Variants in CHRM2 observed in about 807,000 individuals in gnomAD.
CHRM2 encodes the protein cholinergic receptor muscarinic 2, also known as muscarinic acetylcholine receptor M2.
A neutral mutation model predicts 25.0 loss-of-function variants in CHRM2; 8 were observed. The observed-to-expected ratio is 0.32, with a 90% CI of 0.19 to 0.58. The LOEUF (loss-of-function observed/expected upper bound fraction) is 0.58. CHRM2 is among the 20% of genes least tolerant of loss of function. The pLI is 0.88. For missense variants in CHRM2, 440 were observed against 567.1 expected, an observed-to-expected ratio of 0.78 and a Z score of 2.28; for synonymous variants, 202 against 205.7, an observed-to-expected ratio of 0.98 and a Z score of 0.15.
At chr7:136,988,221 G>A (rs1802985651) in intron 2 of CHRM2, among the ~76,000 whole-genome samples, 1 of 151,724 alleles carries the variant, frequency 6.6e-6, no homozygotes, top group South Asian at 2.1e-4. Context: ...CATTAAAAAG[G>A]AAAAGAAAAG....
At chr7:136,904,055 TA>T (rs1797389905) in intron 2 of CHRM2, among the ~76,000 whole-genome samples, 1 of 151,966 alleles carries the variant, frequency 6.6e-6, no homozygotes, top group Non-Finnish European at 1.5e-5. Context: ...GCTACCATTT[TA>T]CTAAAGCATT....
chr7:136,993,776 T>C (rs571347648), intron 3 of CHRM2, among the ~76,000 whole-genome samples: 22 of 151,942 alleles, frequency 1.4e-4, no homozygotes, highest in African/African-American at 5.1e-4. Flanking sequence ...AACCCCAAAG[T>C]GAAAAAGTAA....
At chr7:136,963,355 A>T (rs2130902192) in intron 2 of CHRM2, among the ~76,000 whole-genome samples, 1 of 152,346 alleles carries the variant, frequency 6.6e-6, no homozygotes, top group East Asian at 1.9e-4. Context: ...AAACAGAGTT[A>T]AAGAAGACAT....
intron 2 of CHRM2, among the ~76,000 whole-genome samples, chr7:136,937,361 G>T (rs1261311065): frequency 6.6e-6 from 1 of 152,034 alleles, no homozygotes; most frequent in African/African-American, 2.4e-5. Context: ...ATTAATTTCA[G>T]AATTTAATGA....
At chr7:136,969,565 G>A (rs150723022) in intron 2 of CHRM2, among the ~76,000 whole-genome samples, 160 of 152,032 alleles carry the variant, frequency 1.1e-3, no homozygotes, top group Middle Eastern at 3.4e-3. Flanking sequence ...TGTTGTTTTG[G>A]CTGGGCCTTG....
At chr7:136,918,783 G>C (rs1171108886) in intron 2 of CHRM2, among the ~76,000 whole-genome samples, 1 of 151,974 alleles carries the variant, frequency 6.6e-6, no homozygotes, top group African/African-American at 2.4e-5. Context: ...TGGTGTTATA[G>C]AGAAACTTCC....
At chr7:136,968,586 T>C (rs1801560933) in intron 2 of CHRM2, among the ~76,000 whole-genome samples, 1 of 151,718 alleles carries the variant, frequency 6.6e-6, no homozygotes, top group Non-Finnish European at 1.5e-5. Flanking sequence ...CCAATGTTCA[T>C]TTTAGTATTA....
chr7:136,921,790 C>CTTTTTTTTTTTTTTTTTTTTTTTTTTT (rs201063228), intron 2 of CHRM2, among the ~76,000 whole-genome samples: 16 of 114,040 alleles, frequency 1.4e-4, no homozygotes, highest in Non-Finnish European at 2.4e-4. Context: ...TTCTTTCTTT[C>CTTTTTTTTTTTTTTTTTTTTTTTTTTT]TTTCTTTTTT....
intron 2 of CHRM2, among the ~76,000 whole-genome samples, chr7:136,924,559 G>A (rs998901823): frequency 6.6e-5 from 10 of 151,946 alleles, no homozygotes; most frequent in African/African-American, 1.2e-4. Context: ...ATACCACCCC[G>A]CTGATACTTT....
At chr7:136,891,929 T>A (rs1397069010) in intron 2 of CHRM2, among the ~76,000 whole-genome samples, 6 of 152,214 alleles carry the variant, frequency 3.9e-5, no homozygotes, top group Non-Finnish European at 8.8e-5. Context: ...TCTGTTTCCC[T>A]CCTAGAATTT....
intron 2 of CHRM2, among the ~76,000 whole-genome samples, chr7:136,962,430 C>T (rs750155513): frequency 7.9e-5 from 12 of 152,066 alleles, no homozygotes; most frequent in Non-Finnish European, 1.3e-4. Flanking sequence ...CCACTGCGCC[C>T]GGCCACAACT....
chr7:136,926,638 A>T (rs1475004636), intron 2 of CHRM2, among the ~76,000 whole-genome samples: 2 of 152,210 alleles, frequency 1.3e-5, no homozygotes, highest in Non-Finnish European at 2.9e-5. Flanking sequence ...GTAGCATGAA[A>T]CATTGCAAAG....
chr7:136,942,134 A>G (rs1367867414), intron 2 of CHRM2, among the ~76,000 whole-genome samples: 2 of 152,204 alleles, frequency 1.3e-5, no homozygotes, highest in South Asian at 2.1e-4. Flanking sequence ...AACACCCAGT[A>G]TAGGCCTTTG....
At chr7:136,985,827 G>A (rs1802820130) in intron 2 of CHRM2, among the ~76,000 whole-genome samples, 1 of 152,140 alleles carries the variant, frequency 6.6e-6, no homozygotes, top group Non-Finnish European at 1.5e-5. Flanking sequence ...AGACCTCTGA[G>A]TAAACAGAAT....
At chr7:136,889,282 CT>C (rs1796601034) in intron 2 of CHRM2, among the ~76,000 whole-genome samples, 1 of 152,002 alleles carries the variant, frequency 6.6e-6, no homozygotes, top group Admixed American at 6.6e-5. Flanking sequence ...TCTAAGAGCA[CT>C]GGGGGAACCA....
chr7:136,992,130 T>C (rs1221148097), intron 2 of CHRM2, 57 bp from the exon 3 acceptor site: 1 of 152,156 alleles, frequency 6.6e-6, no homozygotes. Flanking sequence ...CATTTTTCTG[T>C]TTGTTGTAAT....
At chr7:136,942,538 G>T (rs1048957592) in intron 2 of CHRM2, among the ~76,000 whole-genome samples, 6 of 152,146 alleles carry the variant, frequency 3.9e-5, no homozygotes, top group African/African-American at 1.4e-4. Context: ...CCAGAGTGCT[G>T]TTCTCTCATT....
intron 3 of CHRM2, among the ~76,000 whole-genome samples, chr7:137,001,484 G>C (rs1418072991): frequency 6.6e-6 from 1 of 152,126 alleles, no homozygotes; most frequent in African/African-American, 2.4e-5. Context: ...CAGGGACTAA[G>C]AGGTGGCCTA....
At chr7:136,943,552 T>C (rs17168819) in intron 2 of CHRM2, among the ~76,000 whole-genome samples, 21,239 of 152,198 alleles carry the variant, frequency 0.14, 2,025 homozygotes, top group East Asian at 0.38. Context: ...GTTCCTATTA[T>C]GCTTGTAACG....
Sources: gnomAD v4.1 joint callset for allele counts (sites outside exome capture counted in the v4.1 genomes callset) on GRCh38, gnomAD v4.1.1 for gene constraint, MANE v1.5 for transcripts, NCBI Gene and HGNC (gene_info 2026-07-23, HGNC 2026-07-21) for gene names.